Variants in EXT1 observed in about 807,000 individuals in gnomAD.
The protein encoded by EXT1 is exostosin glycosyltransferase 1.
In EXT1, 20 loss-of-function variants were observed where a neutral mutation model predicts 82.5. The ratio of observed to expected loss-of-function variants is 0.24; its 90% confidence interval spans 0.17 to 0.35. The LOEUF (loss-of-function observed/expected upper bound fraction) is 0.35, where lower values mean the gene tolerates loss of function less well. Among genes scored for constraint, EXT1 ranks in the 10% least tolerant of loss-of-function variants. EXT1 has a pLI of 1.00. For missense variants in EXT1, 757 were observed against 936.5 expected (o/e 0.81, Z 2.50); for synonymous variants, 348 against 350.8 (o/e 0.99, Z 0.09).
intron 1 of EXT1, among the ~76,000 whole-genome samples, chr8:117,841,654 AAAG>A (rs931340273): frequency 6.6e-6 from 1 of 152,196 alleles, no homozygotes; most frequent in African/African-American, 2.4e-5. Flanking sequence ...ACGTGTAGGT[AAAG>A]AAGGACAAAA....
chr8:118,060,205 A>G (rs550365407), intron 1 of EXT1, among the ~76,000 whole-genome samples: 1 of 152,326 alleles, frequency 6.6e-6, no homozygotes, highest in South Asian at 2.1e-4. Context: ...AATCTTTCCT[A>G]GATTCCCTTT....
chr8:117,854,951 A>G (rs139676356), intron 1 of EXT1, among the ~76,000 whole-genome samples: 21 of 152,360 alleles, frequency 1.4e-4, no homozygotes, highest in African/African-American at 4.8e-4. Flanking sequence ...CAAAGCAATG[A>G]GCACTGAAAA....
intron 1 of EXT1, among the ~76,000 whole-genome samples, chr8:118,058,429 T>C (rs1563642877): frequency 6.6e-6 from 1 of 152,122 alleles, no homozygotes; most frequent in Non-Finnish European, 1.5e-5. Context: ...AACTCTGTAG[T>C]CAAGCAATAG....
At chr8:117,805,027 G>A (rs1823217295) in intron 9 of EXT1, 134 bp from the exon 10 acceptor site, 2 of 800,718 alleles carry the variant, frequency 2.5e-6, no homozygotes, top group Admixed American at 4.4e-5. Context: ...TGATGATGAT[G>A]ATGACGATAA....
At chr8:117,905,636 G>A (rs1240937009) in intron 1 of EXT1, among the ~76,000 whole-genome samples, 1 of 151,980 alleles carries the variant, frequency 6.6e-6, no homozygotes, top group Admixed American at 6.6e-5. Context: ...CACGGTGAAA[G>A]CCCGTCTGTA....
intron 1 of EXT1, among the ~76,000 whole-genome samples, chr8:118,097,160 G>T (rs544469567): frequency 6.6e-6 from 1 of 152,098 alleles, no homozygotes; most frequent in East Asian, 1.9e-4. Flanking sequence ...CTGGAACTTC[G>T]GCCGGCTGGG....
At chr8:118,019,276 A>AAAGC (rs1367914498) in intron 1 of EXT1, among the ~76,000 whole-genome samples, 1 of 152,070 alleles carries the variant, frequency 6.6e-6, no homozygotes, top group Admixed American at 6.5e-5. Flanking sequence ...AGAAAGAAAG[A>AAAGC]AAGAAAGAGG....
At chr8:117,828,376 C>G (rs1028776498) in intron 4 of EXT1, among the ~76,000 whole-genome samples, 3 of 152,022 alleles carry the variant, frequency 2.0e-5, no homozygotes, top group Non-Finnish European at 2.9e-5. Flanking sequence ...ATAACGAGAC[C>G]TTGTCTCCAC....
At chr8:117,994,976 A>G (rs1379365179) in intron 1 of EXT1, among the ~76,000 whole-genome samples, 1 of 152,202 alleles carries the variant, frequency 6.6e-6, no homozygotes, top group Non-Finnish European at 1.5e-5. Context: ...CACAGGTCCA[A>G]AAAATGCTAT....
chr8:117,986,187 CTTTT>C (rs1160370973), intron 1 of EXT1, among the ~76,000 whole-genome samples: 2 of 63,454 alleles, frequency 3.2e-5, no homozygotes, highest in Admixed American at 2.3e-4. Context: ...CTATTCTTTT[CTTTT>C]TTTTTTTTTT....
intron 1 of EXT1, among the ~76,000 whole-genome samples, chr8:117,961,857 C>T (rs757252413): frequency 2.0e-5 from 3 of 152,142 alleles, no homozygotes; most frequent in Non-Finnish European, 2.9e-5. Flanking sequence ...CTTTCATGGT[C>T]GCCTTGCATA....
At chr8:117,812,572 C>T (rs1366579065) in intron 8 of EXT1, among the ~76,000 whole-genome samples, 5 of 152,122 alleles carry the variant, frequency 3.3e-5, no homozygotes, top group Non-Finnish European at 7.4e-5. Flanking sequence ...TGCGCAACTG[C>T]TCACAACTGT....
intron 1 of EXT1, among the ~76,000 whole-genome samples, chr8:117,919,773 C>T (rs192952098): frequency 6.6e-6 from 1 of 152,164 alleles, no homozygotes; most frequent in African/African-American, 2.4e-5. Context: ...CAAAGTGCTG[C>T]AATTAAAGCC....
chr8:118,066,086 T>G (rs1302920299), intron 1 of EXT1, among the ~76,000 whole-genome samples: 2 of 152,190 alleles, frequency 1.3e-5, no homozygotes, highest in African/African-American at 4.8e-5. Flanking sequence ...TATGAGTTAA[T>G]CAACTATAGT....
At chr8:118,014,304 T>C (rs2129842188) in intron 1 of EXT1, among the ~76,000 whole-genome samples, 1 of 152,356 alleles carries the variant, frequency 6.6e-6, no homozygotes, top group Middle Eastern at 3.4e-3. Context: ...GAATTTATTT[T>C]CTTTGGGTCT....
intron 1 of EXT1, among the ~76,000 whole-genome samples, chr8:117,882,993 AAAAG>A (rs1813087505): frequency 1.3e-5 from 2 of 151,834 alleles, no homozygotes; most frequent in Non-Finnish European, 2.9e-5. Flanking sequence ...AAAAAAAAAA[AAAAG>A]AAAGAAAAAA....
At chr8:117,993,428 T>C (rs1331243872) in intron 1 of EXT1, among the ~76,000 whole-genome samples, 3 of 152,198 alleles carry the variant, frequency 2.0e-5, no homozygotes, top group Admixed American at 2.0e-4. Flanking sequence ...TAACTAAAAA[T>C]GCAAACACAG....
At chr8:117,980,906 G>C (rs1459364735) in intron 1 of EXT1, among the ~76,000 whole-genome samples, 1 of 152,100 alleles carries the variant, frequency 6.6e-6, no homozygotes, top group African/African-American at 2.4e-5. Flanking sequence ...TGCAGCGTGA[G>C]CACGGCAGGG....
At chr8:118,001,796 T>C (rs1182552797) in intron 1 of EXT1, among the ~76,000 whole-genome samples, 4 of 152,168 alleles carry the variant, frequency 2.6e-5, no homozygotes, top group African/African-American at 9.7e-5. Flanking sequence ...TAATGAGGGT[T>C]ACAACTACGT....
Sources: allele counts gnomAD v4.1 joint callset (sites outside exome capture counted in the v4.1 genomes callset), GRCh38; gene constraint gnomAD v4.1.1; transcripts MANE v1.5; gene names NCBI Gene and HGNC (gene_info 2026-07-23, HGNC 2026-07-21).